MAGI2: variants seen among roughly 807,000 people sequenced by gnomAD.
The protein encoded by MAGI2 is membrane associated guanylate kinase, WW and PDZ domain containing 2.
A neutral mutation model predicts 133.3 loss-of-function variants in MAGI2; 35 were observed. The observed-to-expected ratio is 0.26, with a 90% confidence interval of 0.20 to 0.35. The LOEUF (loss-of-function observed/expected upper bound fraction) is 0.35. MAGI2 is among the 10% of genes least tolerant of loss of function. The pLI, the probability that MAGI2 is intolerant of heterozygous loss-of-function variation, is 1.00. For missense variants in MAGI2, 1,636 were observed against 1,863.4 expected (o/e 0.88, Z 2.25); for synonymous variants, 729 against 710.6 (o/e 1.03, Z -0.41).
intron 1 of MAGI2, among the ~76,000 whole-genome samples, chr7:79,152,542 A>G (rs961133350): frequency 6.6e-6 from 1 of 152,208 alleles, no homozygotes; most frequent in Non-Finnish European, 1.5e-5. Context: ...CACAAAACAC[A>G]GAAGTTTTTT....
intron 9 of MAGI2, among the ~76,000 whole-genome samples, chr7:78,335,483 T>C (rs11768916): frequency 0.28 from 42,168 of 152,172 alleles, 6,268 homozygotes; most frequent in East Asian, 0.54. Context: ...CCAAGTATCT[T>C]TATAGGATTT....
chr7:78,495,484 G>T (rs1055640205), intron 5 of MAGI2, among the ~76,000 whole-genome samples: 2 of 152,184 alleles, frequency 1.3e-5, no homozygotes, highest in African/African-American at 4.8e-5. Context: ...TTTTCCAAAA[G>T]ACTTTCTCTT....
intron 4 of MAGI2, among the ~76,000 whole-genome samples, chr7:78,508,028 C>G (rs909460344): frequency 6.6e-6 from 1 of 152,184 alleles, no homozygotes; most frequent in Non-Finnish European, 1.5e-5. Flanking sequence ...TCAGGCTTCT[C>G]TCTTAGGTTC....
At chr7:78,081,878 A>G (rs985190036) in intron 20 of MAGI2, among the ~76,000 whole-genome samples, 3 of 152,186 alleles carry the variant, frequency 2.0e-5, no homozygotes, top group Non-Finnish European at 2.9e-5. Context: ...CAAGTGAGAC[A>G]TTAGGAGGCT....
chr7:78,307,609 G>A (rs1033843201), intron 9 of MAGI2, among the ~76,000 whole-genome samples: 1 of 152,130 alleles, frequency 6.6e-6, no homozygotes, highest in African/African-American at 2.4e-5. Context: ...ATGAGGTCAG[G>A]AAGGTAACAG....
At chr7:79,270,658 C>T (rs1402721904) in intron 1 of MAGI2, among the ~76,000 whole-genome samples, 1 of 152,076 alleles carries the variant, frequency 6.6e-6, no homozygotes, top group Non-Finnish European at 1.5e-5. Flanking sequence ...ATTTGATACT[C>T]ATCAGTGACA....
intron 14 of MAGI2, 43 bp from the exon 15 acceptor site, chr7:78,168,151 C>A: frequency 1.3e-6 from 2 of 1,486,400 alleles, no homozygotes; most frequent in Non-Finnish European, 1.8e-6. Context: ...CATTTCAATC[C>A]TTTTTCCTTT....
intron 16 of MAGI2, among the ~76,000 whole-genome samples, chr7:78,135,879 C>T (rs1332476780): frequency 6.6e-6 from 1 of 152,038 alleles, no homozygotes; most frequent in Non-Finnish European, 1.5e-5. Flanking sequence ...TGATATCTTG[C>T]TAATGTCTGA....
intron 2 of MAGI2, among the ~76,000 whole-genome samples, chr7:78,866,926 A>AG (rs1279794996): frequency 1.3e-5 from 2 of 152,134 alleles, no homozygotes; most frequent in Non-Finnish European, 2.9e-5. Context: ...TGCAGCCAAA[A>AG]ACACATGAAA....
chr7:79,004,405 G>A (rs1352110353), intron 2 of MAGI2, among the ~76,000 whole-genome samples: 1 of 152,168 alleles, frequency 6.6e-6, no homozygotes, highest in African/African-American at 2.4e-5. Context: ...AGCTAAAAAA[G>A]TTGATTCCAT....
intron 2 of MAGI2, among the ~76,000 whole-genome samples, chr7:78,708,799 T>C (rs1020431702): frequency 5.3e-5 from 8 of 152,142 alleles, no homozygotes; most frequent in African/African-American, 1.9e-4. Context: ...CCCCTAAGTC[T>C]CATAAATAGT....
intron 9 of MAGI2, among the ~76,000 whole-genome samples, chr7:78,336,556 CTATAAAAAT>C (rs958716158): frequency 6.6e-6 from 1 of 152,028 alleles, no homozygotes; most frequent in African/African-American, 2.4e-5. Context: ...TACCTTGTCT[CTATAAAAAT>C]TTTAAAGAAA....
At chr7:78,195,192 A>C in intron 11 of MAGI2, 129 bp from the exon 12 acceptor site, 1 of 641,026 alleles carries the variant, frequency 1.6e-6, no homozygotes, top group Non-Finnish European at 2.6e-6. Flanking sequence ...CTTTGGCATA[A>C]ATTCCTTGAA....
intron 3 of MAGI2, among the ~76,000 whole-genome samples, chr7:78,564,276 T>G (rs535260895): frequency 6.6e-6 from 1 of 152,316 alleles, no homozygotes; most frequent in South Asian, 2.1e-4. Context: ...TTATAGGCAT[T>G]AATCTGATTT....
chr7:78,997,470 T>C (rs908393750), intron 2 of MAGI2, among the ~76,000 whole-genome samples: 2 of 151,886 alleles, frequency 1.3e-5, no homozygotes, highest in African/African-American at 4.8e-5. Context: ...GGCATGGTGG[T>C]GGTCGCCTGT....
chr7:78,549,636 G>A (rs911236590), intron 3 of MAGI2, among the ~76,000 whole-genome samples: 1 of 152,168 alleles, frequency 6.6e-6, no homozygotes, highest in African/African-American at 2.4e-5. Context: ...GTGTGTTCCT[G>A]GTGACCTTGG....
rs1423497643 is a variant in MAGI2 at position 78,958,233 on chromosome 7, G to GA, written c.418+48856dup. 1.4e-4 allele frequency among the ~76,000 whole-genome samples: 21 copies of GA among 151,996 alleles called. 1 individual carries two copies. Among genetic ancestry groups the GA allele is most frequent in the Admixed American group, 2.6e-4 (4 of 15,244 alleles). ...CCACTCTGCTCCTTTGTCTATGCCA[G>GA]AAAAAAAATTATAGTAGCAGGCAGC... On this transcript the variant is annotated intron_variant, in intron 2 of 21. Coordinates refer to ENST00000354212, the MANE Select transcript of MAGI2 (RefSeq NM_012301.4).
intron 3 of MAGI2, among the ~76,000 whole-genome samples, chr7:78,609,200 G>A (rs1292389717): frequency 6.6e-6 from 1 of 152,040 alleles, no homozygotes; most frequent in Non-Finnish European, 1.5e-5. Context: ...ATCTCCTTTG[G>A]CAACACCCTC....
chr7:78,339,376 A>G (rs528630024), intron 9 of MAGI2, among the ~76,000 whole-genome samples: 5,596 of 152,344 alleles, frequency 0.037, 155 homozygotes, highest in South Asian at 0.13. Context: ...TTGTGGTTGA[A>G]TAAAGCTAAC....
Sources: gnomAD v4.1 joint callset for allele counts (sites outside exome capture counted in the v4.1 genomes callset) on GRCh38, gnomAD v4.1.1 for gene constraint, MANE v1.5 for transcripts, NCBI Gene and HGNC (gene_info 2026-07-23, HGNC 2026-07-21) for gene names.